Variants in MCOLN3 observed in about 807,000 individuals in gnomAD.
The protein encoded by MCOLN3 is mucolipin TRP cation channel 3.
MCOLN3 carries 62 observed loss-of-function variants against 69.4 expected under a neutral mutation model. The ratio of observed to expected loss-of-function variants is 0.89; its 90% CI spans 0.73 to 1.10. The LOEUF (loss-of-function observed/expected upper bound fraction) is 1.10, where lower values mean the gene tolerates loss of function less well. Ranked by LOEUF, MCOLN3 falls within the 50% of genes least tolerant of loss-of-function variation. The pLI is 0.00. For synonymous variants in MCOLN3, 183 were observed against 217.0 expected (o/e 0.84, Z 1.38); for missense variants, 564 against 656.4 (o/e 0.86, Z 1.54).
Position 85,046,877 on chromosome 1 carries a change from C to T in MCOLN3, c.-2-1515G>A, listed in dbSNP as rs1017018082. Among the ~76,000 whole-genome samples the T allele has an allele frequency of 2.0e-5, 3 of 152,174 alleles. No homozygotes were observed. In the South Asian group the frequency reaches 6.2e-4, roughly 32 times the overall value. On this transcript the variant is annotated intron_variant, in intron 1 of 12. Coordinates refer to ENST00000370589, the MANE Select transcript of MCOLN3 (RefSeq NM_018298.11). Reference sequence around the variant, plus strand: ...CTCATTAAAGTGTGGCTCCTGTGTGCGTGTTAAAATGCCTGTCAAAGCATA... The same window carrying T: ...CTCATTAAAGTGTGGCTCCTGTGTGTGTGTTAAAATGCCTGTCAAAGCATA...
intron 3 of MCOLN3, among the ~76,000 whole-genome samples, chr1:85,034,703 G>T (rs1652724571): frequency 6.6e-6 from 1 of 152,130 alleles, no homozygotes; most frequent in Non-Finnish European, 1.5e-5. Context: ...GAAAGTATTG[G>T]TTTAACCTTT....
At chr1:85,020,627 C>G (rs1651878549) in intron 12 of MCOLN3, among the ~76,000 whole-genome samples, 1 of 152,176 alleles carries the variant, frequency 6.6e-6, no homozygotes, top group Admixed American at 6.5e-5. Context: ...CCTGCAGGGC[C>G]TTGCAAAGAA....
intron 1 of MCOLN3, among the ~76,000 whole-genome samples, chr1:85,048,125 G>T (rs1480526782): frequency 6.6e-6 from 1 of 152,208 alleles, no homozygotes; most frequent in Non-Finnish European, 1.5e-5. Flanking sequence ...GGGGGACCGA[G>T]GAGCAGAGCA....
intron 9 of MCOLN3, chr1:85,023,442 G>C (rs747012384): frequency 2.0e-5 from 3 of 152,262 alleles, no homozygotes; most frequent in Admixed American, 1.3e-4. Context: ...TAGTGAAAGA[G>C]AGGAGTCTGT....
chr1:85,019,542 T>C (rs1177890210), intron 12 of MCOLN3, among the ~76,000 whole-genome samples: 1 of 152,126 alleles, frequency 6.6e-6, no homozygotes, highest in Non-Finnish European at 1.5e-5. Context: ...CCAGGGAGAA[T>C]TGAGCTAGCC....
chr1:85,027,744 C>T (rs889262463), intron 7 of MCOLN3, among the ~76,000 whole-genome samples: 5 of 152,144 alleles, frequency 3.3e-5, no homozygotes, highest in African/African-American at 1.2e-4. Flanking sequence ...GGGGTTTTAG[C>T]TGAAACCTGA....
intron 11 of MCOLN3, 66 bp from the exon 12 acceptor site, chr1:85,021,342 T>C: frequency 7.5e-7 from 1 of 1,329,096 alleles, no homozygotes; most frequent in East Asian, 2.3e-5. Flanking sequence ...CCTTTGTTCA[T>C]GACATTGTAT....
At chr1:85,028,185 G>C (rs993539829) in intron 7 of MCOLN3, among the ~76,000 whole-genome samples, 7 of 152,062 alleles carry the variant, frequency 4.6e-5, no homozygotes, top group Admixed American at 1.3e-4. Context: ...TCATATATTT[G>C]AAGTTACCTA....
At position 85,041,020 on chromosome 1, in the gene MCOLN3, G is replaced by A; in HGVS notation, c.386C>T (p.Ala129Val). 1 of 1,612,970 alleles carries A rather than the reference G, an allele frequency of 6.2e-7. No homozygotes were observed. The highest frequency in any genetic ancestry group is 8.5e-7 in the Non-Finnish European group (1 of 1,179,728). The change falls in exon 3 of 13, where the codon GCA becomes GTA. Residue 129 changes from alanine (A) to valine (V), a missense_variant. Physicochemically the swap from Ala to Val is moderately conservative, Grantham distance 64. Coordinates refer to ENST00000370589, the MANE Select transcript of MCOLN3 (RefSeq NM_018298.11). ...QSDVYDQLIFAVNQYLQLYNV... is the reference protein window; with the variant it reads ...QSDVYDQLIFVVNQYLQLYNV... Reference sequence around the variant, plus strand: ...ACACACTTGATTTACCTGGTTTACTGCGAAGATTAACTGATCATACACGTC... The same window carrying A: ...ACACACTTGATTTACCTGGTTTACTACGAAGATTAACTGATCATACACGTC...
chr1:85,046,311 G>A (rs962605739), intron 1 of MCOLN3, among the ~76,000 whole-genome samples: 2 of 152,076 alleles, frequency 1.3e-5, no homozygotes, highest in South Asian at 2.1e-4. Flanking sequence ...CTATTTGGGG[G>A]GGGGGGCAGG....
chr1:85,034,444 T>C (rs1652712494), intron 3 of MCOLN3, among the ~76,000 whole-genome samples, 193 bp from the exon 4 acceptor site: 1 of 152,218 alleles, frequency 6.6e-6, no homozygotes, highest in South Asian at 2.1e-4. Context: ...GAGTTCTAGA[T>C]TCAAGCCTCA....
chr1:85,028,963 G>C, intron 7 of MCOLN3, 143 bp downstream of exon 7: 1 of 592,584 alleles, frequency 1.7e-6, no homozygotes, highest in Non-Finnish European at 3.0e-6. Context: ...AAACATCAGA[G>C]TTGATCTACT....
At chr1:85,020,825 C>T (rs1307504556) in intron 12 of MCOLN3, among the ~76,000 whole-genome samples, 1 of 152,164 alleles carries the variant, frequency 6.6e-6, no homozygotes, top group Non-Finnish European at 1.5e-5. Flanking sequence ...TCTAATGACC[C>T]TTATAATTCT....
chr1:85,034,054 T>C lies in MCOLN3; in HGVS notation c.550+44A>G, dbSNP rs530377724. On this transcript the variant is annotated intron_variant, in intron 4 of 12. Coordinates refer to ENST00000370589, the MANE Select transcript of MCOLN3 (RefSeq NM_018298.11). The stretch of plus-strand genomic sequence containing the variant: ...GAAATTACTAATTTTAAATATAAAT[T>C]GAGGTGTTAAAAATTGAGGTTCTAG... 1.6e-5 allele frequency: 26 copies of C among 1,581,746 alleles called. No homozygotes were observed. In the African/African-American group the frequency reaches 2.8e-4, roughly 17 times the overall value.
intron 3 of MCOLN3, among the ~76,000 whole-genome samples, chr1:85,035,759 C>A (rs1263485100): frequency 6.6e-6 from 1 of 152,186 alleles, no homozygotes; most frequent in Non-Finnish European, 1.5e-5. Flanking sequence ...CCTCTCCAAT[C>A]CTCCCTCTCA....
Position 85,041,174 on chromosome 1 carries a change from C to A in MCOLN3, c.232G>T (p.Val78Phe). The A allele has an allele frequency of 1.2e-6, 2 of 1,610,888 alleles. No homozygotes were observed. The highest frequency in any genetic ancestry group is 8.5e-7 in the Non-Finnish European group (1 of 1,179,086). The stretch of plus-strand genomic sequence containing the variant: ...ATCTGGTTACTTAGCCCAAATAAGA[C>A]CAGCTTAAAAGAAAAAAAAGAAAAG... Reference protein sequence around the residue: ...LKIAMVTIQLVLFGLSNQMVV... With the variant: ...LKIAMVTIQLFLFGLSNQMVV... Residue 78 changes from valine to phenylalanine, a missense_variant, in exon 3 of 13, where the codon GTC (valine) becomes TTC (phenylalanine). Physicochemically the swap from Val to Phe is conservative, Grantham distance 50. Transcript: ENST00000370589.
At chr1:85,043,725 T>C (rs562315909) in intron 2 of MCOLN3, among the ~76,000 whole-genome samples, 1 of 152,288 alleles carries the variant, frequency 6.6e-6, no homozygotes, top group Admixed American at 6.5e-5. Context: ...AGTTAAGAAT[T>C]TCAATTTCAA....
chr1:85,032,787 A>G lies in MCOLN3; in HGVS notation c.641T>C (p.Leu214Pro). Reference protein sequence around the residue: ...LNLTLDFHRLLTVELQFKLKA... With the variant: ...LNLTLDFHRLPTVELQFKLKA... The stretch of plus-strand genomic sequence containing the variant: ...CAGTTTAAACTGAAGCTCCACTGTT[A>G]GGAGTCTAGAAAACAGAGGTGATTT... Residue 214 changes from leucine (L) to proline (P), a missense_variant, in exon 6 of 13, where the codon CTA becomes CCA. By Grantham distance (98) the Leu-to-Pro change is moderately conservative. Coordinates refer to ENST00000370589, the MANE Select transcript of MCOLN3 (RefSeq NM_018298.11). 6.2e-7 allele frequency: 1 copy of G among 1,614,070 alleles called. No homozygotes were observed. Among genetic ancestry groups the G allele is most frequent in the Non-Finnish European group, 8.5e-7 (1 of 1,179,878 alleles).
Position 85,018,101 on chromosome 1 carries a change from A to T in MCOLN3, c.*1022T>A, listed in dbSNP as rs1044645671. The T allele has an allele frequency of 2.0e-5, 3 of 152,222 alleles. No homozygotes were observed. The highest frequency in any genetic ancestry group is 7.2e-5 in the African/African-American group (3 of 41,468). The allele number at this position is 152,222 out of a possible 1,614,324, so 9.4% of individuals were successfully genotyped here. A position where few individuals can be genotyped will look rare whatever the true frequency, so the allele number is the denominator to read the frequency against. On this transcript the variant is annotated 3_prime_UTR_variant, in exon 13 of 13. Transcript: ENST00000370589. ...CAAAAATGCATTTGGTATATGCTTTAATTTCATGCATGTATAAGATACTCT... is the reference window on the plus strand; with the variant it reads ...CAAAAATGCATTTGGTATATGCTTTTATTTCATGCATGTATAAGATACTCT...
Sources: gnomAD v4.1 joint callset for allele counts (sites outside exome capture counted in the v4.1 genomes callset) on GRCh38, gnomAD v4.1.1 for gene constraint, MANE v1.5 for transcripts, NCBI Gene and HGNC (gene_info 2026-07-23, HGNC 2026-07-21) for gene names.